The following DHCR24 variants were observed in gnomAD, a reference collection of about 807,000 sequenced individuals.
DHCR24 encodes the protein 24-dehydrocholesterol reductase, also known as delta(24)-sterol reductase.
A neutral mutation model predicts 61.2 loss-of-function variants in DHCR24; 28 were observed. The observed-to-expected ratio is 0.46, with a 90% CI of 0.34 to 0.63. The LOEUF (loss-of-function observed/expected upper bound fraction) is 0.63. DHCR24 is among the 20% of genes least tolerant of loss of function. The probability of loss-of-function intolerance (pLI) is 0.01; values close to 1 mark genes in which losing one functional copy is unlikely to be tolerated. For missense variants in DHCR24, 538 were observed against 679.1 expected (o/e 0.79, Z 2.31); for synonymous variants, 261 against 275.9 (o/e 0.95, Z 0.54).
chr1:54,885,015 G>C (rs545501045), intron 1 of DHCR24, among the ~76,000 whole-genome samples: 3 of 152,298 alleles, frequency 2.0e-5, no homozygotes, highest in African/African-American at 7.2e-5. Context: ...TTCAGGACCT[G>C]AGCCAATAAA....
In DHCR24 at chr1:54,854,036, C is replaced by A. The variant is rs1010033960; in HGVS notation, c.1218+1G>T. The A allele has an allele frequency of 6.2e-7, 1 of 1,611,726 alleles. No individual in the cohort carries two copies. Among genetic ancestry groups the A allele is most frequent in the African/African-American group, 1.3e-5 (1 of 75,002 alleles). ...CGCCCTCCCTGCCCTGCCCCACTCA[C>A]GTGGATGTCGTTTTGGAAGGTGTGC... On this transcript the variant is annotated splice_donor_variant, in intron 7 of 8. Transcript: ENST00000371269. LOFTEE classifies it high-confidence loss of function.
At chr1:54,868,200 G>A (rs747279800) in intron 5 of DHCR24, among the ~76,000 whole-genome samples, 1 of 152,264 alleles carries the variant, frequency 6.6e-6, no homozygotes, top group Non-Finnish European at 1.5e-5. Context: ...GCCGGGCGCA[G>A]TGGCTCACGC....
intron 4 of DHCR24, among the ~76,000 whole-genome samples, chr1:54,874,179 C>A (rs1163360815): frequency 6.6e-6 from 1 of 152,088 alleles, no homozygotes; most frequent in Non-Finnish European, 1.5e-5. Flanking sequence ...AAGAAAATTT[C>A]AAAAAATAAA....
At position 54,883,915 on chromosome 1, in the gene DHCR24, C is replaced by A; in HGVS notation, c.232-142G>T. On this transcript the variant is annotated intron_variant, in intron 1 of 8. Coordinates refer to ENST00000371269, the MANE Select transcript of DHCR24 (RefSeq NM_014762.4). The surrounding 1 kb of genome is among the most constrained non-coding windows in gnomAD (Gnocchi z 4.3). ...CAGAACAATGAAAAGGCCTGCTGGCCCTACCCTCTGGCACCTCCCTGGCCA... is the reference window on the plus strand; with the variant it reads ...CAGAACAATGAAAAGGCCTGCTGGCACTACCCTCTGGCACCTCCCTGGCCA... The A allele has an allele frequency of 8.4e-7, 1 of 1,184,600 alleles. No individual in the cohort carries two copies. Among genetic ancestry groups the A allele is most frequent in the Non-Finnish European group, 1.2e-6 (1 of 833,336 alleles). 73.4% of individuals were successfully genotyped at this position (1,184,600 alleles called of 1,614,324 possible).
chr1:54,865,011 G>A (rs945333576), intron 6 of DHCR24, among the ~76,000 whole-genome samples: 1 of 152,176 alleles, frequency 6.6e-6, no homozygotes, highest in African/African-American at 2.4e-5. Flanking sequence ...ACCGTGGCTA[G>A]AGGCTAACCC....
intron 6 of DHCR24, among the ~76,000 whole-genome samples, chr1:54,857,139 TCTC>T (rs1412645817): frequency 2.6e-5 from 4 of 152,258 alleles, no homozygotes; most frequent in Admixed American, 6.5e-5. Flanking sequence ...GCCCTGCCCT[TCTC>T]CTTTCCCGCT....
In DHCR24 at chr1:54,851,793, ACCTAATGTGGAG is replaced by A. The variant is rs1286809377; in HGVS notation, c.*428_*439del. Reference sequence around the variant, plus strand: ...TTCCAGCCATGGCTGTGCACAGGTGACCTAATGTGGAGCCTTTTCAGGCTCCACTGCAGATGT... The same window carrying A: ...TTCCAGCCATGGCTGTGCACAGGTGACCTTTTCAGGCTCCACTGCAGATGT... On this transcript the variant is annotated 3_prime_UTR_variant, in exon 9 of 9. Transcript: ENST00000371269. The A allele has an allele frequency of 4.9e-6, 1 of 203,276 alleles. No individual in the cohort carries two copies. The highest frequency in any genetic ancestry group is 2.3e-5 in the African/African-American group (1 of 42,864). 12.6% of individuals were successfully genotyped at this position (203,276 alleles called of 1,614,324 possible).
At chr1:54,855,911 C>T (rs1319904673) in intron 6 of DHCR24, among the ~76,000 whole-genome samples, 1 of 152,164 alleles carries the variant, frequency 6.6e-6, no homozygotes, top group Non-Finnish European at 1.5e-5. Context: ...CCAGCAATGA[C>T]CTGACCTGGC....
rs1646879156 is a variant in DHCR24, at chr1:54,852,198, C to T, written c.*35G>A. The T allele has an allele frequency of 1.2e-6, 2 of 1,613,760 alleles. No individual in the cohort carries two copies. Among genetic ancestry groups the T allele is most frequent in the Non-Finnish European group, 1.7e-6 (2 of 1,179,934 alleles). ...TGAGTGAAGGGAAGATGCCTGACCA[C>T]TCACACGTGTCTGTCTCTCCAGGCG... On this transcript the variant is annotated 3_prime_UTR_variant, in exon 9 of 9. Transcript: ENST00000371269.
chr1:54,870,858 A>G (rs1490623074), intron 5 of DHCR24, among the ~76,000 whole-genome samples: 1 of 151,722 alleles, frequency 6.6e-6, no homozygotes, highest in East Asian at 1.9e-4. Flanking sequence ...AATCCTTTCC[A>G]AGTCTCTTAC....
At chr1:54,855,614 C>T (rs903383936) in intron 6 of DHCR24, among the ~76,000 whole-genome samples, 3 of 152,116 alleles carry the variant, frequency 2.0e-5, no homozygotes, top group South Asian at 2.1e-4. Context: ...CTAGGGGGCA[C>T]GGTGACTCCC....
At chr1:54,859,304 GC>G (rs1248945026) in intron 6 of DHCR24, among the ~76,000 whole-genome samples, 2 of 151,860 alleles carry the variant, frequency 1.3e-5, no homozygotes. Context: ...GAGTCCCTGA[GC>G]CAGGACCACC....
chr1:54,866,674 A>T (rs894196771), intron 5 of DHCR24, among the ~76,000 whole-genome samples: 3 of 151,952 alleles, frequency 2.0e-5, no homozygotes, highest in Non-Finnish European at 2.9e-5. Flanking sequence ...GCTCTACCCT[A>T]CAGCCAGGCA....
chr1:54,863,088 A>AG lies in DHCR24; in HGVS notation c.1020+2214_1020+2215insC, dbSNP rs1491082126. ...AGACTCTGCCTCAAAAAAAAAAAAA[A>AG]AAAAAAAAAAAAGGCAGTCAACCTT... On this transcript the variant is annotated intron_variant, in intron 6 of 8. Transcript: ENST00000371269. Among the ~76,000 whole-genome samples, 81 of 129,148 alleles carry AG rather than the reference A, an allele frequency of 6.3e-4. 1 individual carries two copies. The highest frequency in any genetic ancestry group is 2.2e-3 in the African/African-American group (72 of 33,440). The allele number at this position is 129,148 out of a possible 152,430, so 84.7% of individuals were successfully genotyped here.
rs1029401012 is a variant in DHCR24 at position 54,874,966 on chromosome 1, T to C, written c.612+127A>G. On this transcript the variant is annotated intron_variant, in intron 4 of 8. Transcript: ENST00000371269. The stretch of plus-strand genomic sequence containing the variant: ...ATAAGGGGCTACACAAATTTTTGTT[T>C]ACAGATATAGACCCAGACTGAACAG... The C allele has an allele frequency of 2.4e-5, 20 of 838,694 alleles. No individual in the cohort carries two copies. In the African/African-American group the frequency reaches 3.0e-4, roughly 13 times the overall value. 52.0% of individuals were successfully genotyped at this position (838,694 alleles called of 1,614,324 possible).
At chr1:54,874,765 T>C (rs1046018487) in intron 4 of DHCR24, among the ~76,000 whole-genome samples, 17 of 152,196 alleles carry the variant, frequency 1.1e-4, no homozygotes, top group South Asian at 1.0e-3. Flanking sequence ...GTGTGACCTA[T>C]GGCAAATAAT....
chr1:54,860,563 CAT>C (rs1646930197), intron 6 of DHCR24, among the ~76,000 whole-genome samples: 1 of 152,228 alleles, frequency 6.6e-6, no homozygotes, highest in Non-Finnish European at 1.5e-5. Flanking sequence ...AACTTGGAAA[CAT>C]GTGCCCAATA....
chr1:54,857,236 T>C (rs935175625), intron 6 of DHCR24, among the ~76,000 whole-genome samples: 5 of 152,360 alleles, frequency 3.3e-5, no homozygotes, highest in Admixed American at 2.0e-4. Context: ...AGGCCAGTCA[T>C]TGCAGAGAAT....
intron 6 of DHCR24, among the ~76,000 whole-genome samples, chr1:54,855,570 G>A (rs998259364): frequency 6.6e-6 from 1 of 152,094 alleles, no homozygotes; most frequent in African/African-American, 2.4e-5. Flanking sequence ...GACAAACAGA[G>A]GCTGGGGCAG....
Sources: gnomAD v4.1 joint callset for allele counts (sites outside exome capture counted in the v4.1 genomes callset) on GRCh38, gnomAD v4.1.1 for gene constraint, Gnocchi (gnomAD v3.1) non-coding constraint, MANE v1.5 for transcripts, NCBI Gene and HGNC (gene_info 2026-07-23, HGNC 2026-07-21) for gene names.